The following ESRRB variants were observed in gnomAD, a reference collection of about 807,000 sequenced individuals.
The protein encoded by ESRRB is steroid hormone receptor ERR2.
Under a neutral mutation model 46.0 loss-of-function variants are expected in ESRRB, and 16 were observed. The observed-to-expected ratio is 0.35, with a 90% CI of 0.24 to 0.53. The LOEUF is 0.53. Ranked by LOEUF, ESRRB falls within the 20% of genes least tolerant of loss-of-function variation. The probability of loss-of-function intolerance (pLI) is 0.93; values close to 1 mark genes in which losing one functional copy is unlikely to be tolerated. For synonymous variants in ESRRB, 246 were observed against 259.6 expected, an observed-to-expected ratio of 0.95 and a Z score of 0.50; for missense variants, 488 against 607.4, an observed-to-expected ratio of 0.80 and a Z score of 2.07.
intron 2 of ESRRB, among the ~76,000 whole-genome samples, chr14:76,457,335 T>C (rs912642769): frequency 6.6e-6 from 1 of 152,178 alleles, no homozygotes. Flanking sequence ...TAGAAAAGAC[T>C]TATCCTGGAA....
chr14:76,434,045 G>A (rs1040064509), intron 1 of ESRRB, among the ~76,000 whole-genome samples: 1 of 149,074 alleles, frequency 6.7e-6, no homozygotes, highest in African/African-American at 2.5e-5. Context: ...TGCAGCCTCT[G>A]CTTCCTGTGT....
At chr14:76,497,702 CG>C (rs996560793) in intron 6 of ESRRB, among the ~76,000 whole-genome samples, 20 of 152,212 alleles carry the variant, frequency 1.3e-4, no homozygotes, top group Non-Finnish European at 2.8e-4. Flanking sequence ...TGCCTGGCAG[CG>C]GCAGCTGCAG....
chr14:76,417,860 G>A (rs1886771064), intron 1 of ESRRB, among the ~76,000 whole-genome samples: 1 of 151,996 alleles, frequency 6.6e-6, no homozygotes, highest in African/African-American at 2.4e-5. Flanking sequence ...AGAAGCAGGT[G>A]CCTCGTGAGG....
intron 2 of ESRRB, among the ~76,000 whole-genome samples, chr14:76,451,581 C>T (rs954295395): frequency 6.6e-6 from 1 of 152,136 alleles, no homozygotes; most frequent in Non-Finnish European, 1.5e-5. Context: ...GCAGGAGAGG[C>T]TAGGGGCTGG....
Position 76,376,563 on chromosome 14 carries a change from G to A in ESRRB, c.50+112G>A. 4.0e-6 allele frequency: 2 copies of A among 500,638 alleles called. No homozygotes were observed. The highest frequency in any genetic ancestry group is 5.8e-6 in the Non-Finnish European group (2 of 342,346). 31.0% of individuals were successfully genotyped at this position (500,638 alleles called of 1,614,324 possible). A position where few individuals can be genotyped will look rare whatever the true frequency, so the allele number is the denominator to read the frequency against. ...CTTGTGTAAAAGTGGAAGGGACTTC[G>A]GGGGGGCACTTGGGGGACGAAGGAG... On this transcript the variant is annotated intron_variant, in intron 1 of 6. Coordinates refer to ENST00000644823, the MANE Select transcript of ESRRB (RefSeq NM_001379180.1). This position sits in a 1 kb window ranked among gnomAD's most constrained non-coding sequence, Gnocchi z 4.1.
In ESRRB at chr14:76,392,125, C is replaced by T. The variant is rs549696754; in HGVS notation, c.50+15674C>T. ...GTCCCCCATGGCTCTCAGCAGGCCC[C>T]GGGGCAGGGAGGGGCCTCCAGGCGC... On this transcript the variant is annotated intron_variant, in intron 1 of 6. Coordinates refer to ENST00000644823, the MANE Select transcript of ESRRB (RefSeq NM_001379180.1). Among the ~76,000 whole-genome samples the T allele has an allele frequency of 4.9e-4, 74 of 152,308 alleles. 1 individual carries two copies. Among genetic ancestry groups the T allele is most frequent in the Non-Finnish European group, 8.8e-4 (60 of 68,030 alleles).
intron 1 of ESRRB, among the ~76,000 whole-genome samples, chr14:76,406,975 G>C (rs1886215122): frequency 1.3e-5 from 2 of 152,224 alleles, no homozygotes; most frequent in Admixed American, 1.3e-4. Flanking sequence ...GGCACCTAAA[G>C]GCTCCACAAT....
At chr14:76,443,995 A>T (rs1335032508) in intron 2 of ESRRB, among the ~76,000 whole-genome samples, 1 of 152,172 alleles carries the variant, frequency 6.6e-6, no homozygotes, top group Non-Finnish European at 1.5e-5. Flanking sequence ...AGTAAACTCA[A>T]GGCTGACAGA....
At chr14:76,334,424 T>C (rs1884101775) in intron 1 of ESRRB, among the ~76,000 whole-genome samples, 1 of 152,218 alleles carries the variant, frequency 6.6e-6, no homozygotes, top group Non-Finnish European at 1.5e-5. Flanking sequence ...CTTCCTCATC[T>C]TGCTCTGACT....
intron 2 of ESRRB, among the ~76,000 whole-genome samples, chr14:76,460,241 A>T (rs1237163004): frequency 6.6e-6 from 1 of 152,210 alleles, no homozygotes. Flanking sequence ...CCGCTGGGTC[A>T]GCACCAGGCA....
chr14:76,445,466 C>CAAAAAA (rs747627410), intron 2 of ESRRB, among the ~76,000 whole-genome samples: 2 of 79,786 alleles, frequency 2.5e-5, no homozygotes, highest in African/African-American at 3.8e-5. Flanking sequence ...AACTCCGTCT[C>CAAAAAA]AAAAAAAAAA....
At chr14:76,358,585 G>A (rs760192486) in intron 1 of ESRRB, among the ~76,000 whole-genome samples, 4 of 152,010 alleles carry the variant, frequency 2.6e-5, no homozygotes, top group Non-Finnish European at 5.9e-5. Flanking sequence ...GAACACTTCT[G>A]TATGTATACT....
chr14:76,404,826 A>G (rs1886106582), intron 1 of ESRRB, among the ~76,000 whole-genome samples: 1 of 152,216 alleles, frequency 6.6e-6, no homozygotes, highest in Non-Finnish European at 1.5e-5. Flanking sequence ...CACGGTAATC[A>G]GATCAGTATT....
intron 3 of ESRRB, among the ~76,000 whole-genome samples, chr14:76,463,638 G>A (rs563319694): frequency 1.3e-5 from 2 of 151,754 alleles, no homozygotes; most frequent in Non-Finnish European, 2.9e-5. Flanking sequence ...TAGTAGAGAC[G>A]GGGTTTCACG....
intron 1 of ESRRB, among the ~76,000 whole-genome samples, chr14:76,363,727 A>T (rs181799478): frequency 6.6e-6 from 1 of 152,158 alleles, no homozygotes. Flanking sequence ...ACCTACGCAC[A>T]TATTTCCCCA....
intron 2 of ESRRB, among the ~76,000 whole-genome samples, chr14:76,447,143 A>G (rs1296738380): frequency 6.6e-6 from 1 of 152,058 alleles, no homozygotes; most frequent in East Asian, 1.9e-4. Context: ...CCCCAGGCTC[A>G]GCTCTTCTCT....
intron 1 of ESRRB, among the ~76,000 whole-genome samples, chr14:76,395,393 T>TCC (rs1885635047): frequency 6.6e-6 from 1 of 152,122 alleles, no homozygotes; most frequent in African/African-American, 2.4e-5. Flanking sequence ...GCGGGGCGTG[T>TCC]GGAGGAAGGA....
intron 1 of ESRRB, among the ~76,000 whole-genome samples, chr14:76,398,163 A>T (rs764933432): frequency 6.6e-6 from 1 of 152,242 alleles, no homozygotes; most frequent in Non-Finnish European, 1.5e-5. Flanking sequence ...TGCCAGGCAC[A>T]GTGTATCGTG....
intron 1 of ESRRB, among the ~76,000 whole-genome samples, chr14:76,359,016 C>A (rs1011240523): frequency 1.2e-4 from 18 of 152,226 alleles, no homozygotes; most frequent in African/African-American, 4.1e-4. Context: ...TTTGTGGAAC[C>A]CACATTGAGA....
Sources: gnomAD v4.1 joint callset for allele counts (sites outside exome capture counted in the v4.1 genomes callset) on GRCh38, gnomAD v4.1.1 for gene constraint, Gnocchi (gnomAD v3.1) non-coding constraint, MANE v1.5 for transcripts, NCBI Gene and HGNC (gene_info 2026-07-23, HGNC 2026-07-21) for gene names.